Variants in EIPR1 observed in about 807,000 individuals in gnomAD.
EIPR1 encodes EARP and GARP complex-interacting protein 1.
A neutral mutation model predicts 48.1 loss-of-function variants in EIPR1; 25 were observed. The observed-to-expected ratio is 0.52, with a 90% CI of 0.38 to 0.73. The LOEUF (loss-of-function observed/expected upper bound fraction) is 0.73, where lower values mean the gene tolerates loss of function less well. Among genes scored for constraint, EIPR1 ranks in the 30% least tolerant of loss-of-function variants. The pLI, the probability that EIPR1 is intolerant of heterozygous loss-of-function variation, is 0.00. For missense variants in EIPR1, 415 were observed against 506.2 expected, an observed-to-expected ratio of 0.82 and a Z score of 1.73; for synonymous variants, 204 against 201.9, an observed-to-expected ratio of 1.01 and a Z score of -0.09.
chr2:3,228,907 G>A (rs192312196), intron 4 of EIPR1, among the ~76,000 whole-genome samples: 76 of 152,330 alleles, frequency 5.0e-4, no homozygotes, highest in African/African-American at 1.8e-3. Flanking sequence ...ATGTGGAACT[G>A]TGAGTTAAGC....
At chr2:3,289,787 C>T (rs149144436) in intron 3 of EIPR1, among the ~76,000 whole-genome samples, 2,443 of 152,320 alleles carry the variant, frequency 0.016, 34 homozygotes, top group Middle Eastern at 0.024. Context: ...CGCCAGCGGC[C>T]CCCAGCCTTA....
rs2103310700 is a variant in EIPR1, at chr2:3,312,427, G to A, written c.259+25590C>T. On this transcript the variant is annotated intron_variant, in intron 3 of 8. Transcript: ENST00000382125. This position sits in a 1 kb window ranked among gnomAD's most constrained non-coding sequence, Gnocchi z 5.5. ...TGGGGATGAGACTCACGTCTGAGGG[G>A]CAAAGTTCATTTTTCAGACCCCATG... is the stretch of plus-strand genomic sequence containing the variant. Among the ~76,000 whole-genome samples, 1 of 152,274 alleles carries A rather than the reference G, an allele frequency of 6.6e-6. No individual in the cohort carries two copies. The highest frequency in any genetic ancestry group is 2.1e-4 in the South Asian group (1 of 4,826).
chr2:3,278,310 C>T (rs1667919248), intron 3 of EIPR1, among the ~76,000 whole-genome samples: 1 of 152,222 alleles, frequency 6.6e-6, no homozygotes, highest in Admixed American at 6.5e-5. Context: ...TGCCACTGCC[C>T]ACATGCCCTG....
chr2:3,335,528 G>A (rs971450579), intron 3 of EIPR1, among the ~76,000 whole-genome samples: 9 of 152,122 alleles, frequency 5.9e-5, no homozygotes, highest in African/African-American at 2.2e-4. Context: ...AGAGTTATAC[G>A]ATGGTGGAGT....
chr2:3,282,430 G>C (rs1668040657), intron 3 of EIPR1: 1 of 152,286 alleles, frequency 6.6e-6, no homozygotes. Flanking sequence ...CCTTTCTTGT[G>C]TTCCCTCGTC....
intron 3 of EIPR1, among the ~76,000 whole-genome samples, chr2:3,318,699 G>T (rs62121537): frequency 0.17 from 26,196 of 152,090 alleles, 2,438 homozygotes; most frequent in Non-Finnish European, 0.21. Context: ...CTCTCATTCT[G>T]CAATGCTCAG....
intron 4 of EIPR1, 98 bp downstream of exon 4, chr2:3,257,201 G>A: frequency 1.5e-6 from 2 of 1,336,974 alleles, no homozygotes; most frequent in Non-Finnish European, 1.0e-6. Flanking sequence ...GCGTTTCCGA[G>A]GTGTGGACGG....
intron 4 of EIPR1, among the ~76,000 whole-genome samples, chr2:3,220,484 G>A (rs1234478253): frequency 6.6e-6 from 1 of 152,020 alleles, no homozygotes. Flanking sequence ...TGTGCATGAT[G>A]GCCGTGGTAC....
At chr2:3,371,155 G>A (rs567790849) in intron 1 of EIPR1, among the ~76,000 whole-genome samples, 1 of 152,136 alleles carries the variant, frequency 6.6e-6, no homozygotes, top group African/African-American at 2.4e-5. Context: ...ATAAGTGAAG[G>A]AGAAATAAAA....
At chr2:3,198,402 C>T (rs776479312) in intron 5 of EIPR1, among the ~76,000 whole-genome samples, 14 of 152,188 alleles carry the variant, frequency 9.2e-5, no homozygotes, top group Non-Finnish European at 1.6e-4. Flanking sequence ...GCAGACACTG[C>T]GCTCAGTCAG....
At chr2:3,295,660 T>C (rs1217190650) in intron 3 of EIPR1, among the ~76,000 whole-genome samples, 3 of 123,864 alleles carry the variant, frequency 2.4e-5, no homozygotes, top group African/African-American at 9.7e-5. Context: ...CAGCCCGTCC[T>C]CTCTACTCAC....
intron 2 of EIPR1, among the ~76,000 whole-genome samples, chr2:3,341,165 A>C (rs1391553732): frequency 6.6e-6 from 1 of 151,504 alleles, no homozygotes; most frequent in East Asian, 1.9e-4. Flanking sequence ...GTTGTGGTAT[A>C]TTCACAAATG....
At chr2:3,226,779 G>C (rs573666964) in intron 4 of EIPR1, among the ~76,000 whole-genome samples, 1 of 152,198 alleles carries the variant, frequency 6.6e-6, no homozygotes, top group Admixed American at 6.5e-5. Context: ...GGTGGGAGGT[G>C]ATGGTATCAT....
At chr2:3,311,303 A>AT (rs776766655) in intron 3 of EIPR1, among the ~76,000 whole-genome samples, 2 of 152,148 alleles carry the variant, frequency 1.3e-5, no homozygotes, top group Non-Finnish European at 2.9e-5. Context: ...GAAATATGTG[A>AT]TTTTCAAATA....
chr2:3,350,502 C>T (rs1670540016), intron 2 of EIPR1, among the ~76,000 whole-genome samples: 1 of 152,196 alleles, frequency 6.6e-6, no homozygotes, highest in African/African-American at 2.4e-5. Context: ...GATGGTAATA[C>T]TAATAGTACT....
intron 5 of EIPR1, among the ~76,000 whole-genome samples, chr2:3,209,984 G>T (rs1665387248): frequency 6.6e-6 from 1 of 152,132 alleles, no homozygotes; most frequent in African/African-American, 2.4e-5. Context: ...CAAACCCACA[G>T]AACATCCAGC....
At chr2:3,375,330 T>C (rs994640227) in intron 1 of EIPR1, among the ~76,000 whole-genome samples, 15 of 151,526 alleles carry the variant, frequency 9.9e-5, no homozygotes, top group African/African-American at 3.6e-4. Flanking sequence ...TGTATACATA[T>C]GTAACTAACT....
chr2:3,361,291 T>C (rs568644876), intron 1 of EIPR1, among the ~76,000 whole-genome samples: 1 of 152,128 alleles, frequency 6.6e-6, no homozygotes, highest in East Asian at 1.9e-4. Context: ...ACCTGTAATC[T>C]CTTTGCAAGC....
rs376371713 is a variant in EIPR1 at position 3,354,575 on chromosome 2, G to A, written c.101C>T (p.Thr34Met). Reference protein sequence around the residue: ...ETDAIRFLVGTQSLKYDNQIH... With the variant: ...ETDAIRFLVGMQSLKYDNQIH... ...CTGATTATCATATTTAAGAGACTGC[G>A]TCCCAACCAAAAACCGAATGGCATC... Residue 34 changes from threonine to methionine, a missense_variant, in exon 2 of 9, where the codon ACG becomes ATG. Transcript: ENST00000382125. The A allele has an allele frequency of 2.0e-5, 33 of 1,613,962 alleles. No individual in the cohort carries two copies. The highest frequency in any genetic ancestry group is 6.7e-5 in the African/African-American group (5 of 74,924).
Sources: gnomAD v4.1 joint callset for allele counts (sites outside exome capture counted in the v4.1 genomes callset) on GRCh38, gnomAD v4.1.1 for gene constraint, Gnocchi (gnomAD v3.1) non-coding constraint, MANE v1.5 for transcripts, NCBI Gene and HGNC (gene_info 2026-07-23, HGNC 2026-07-21) for gene names.